Variants in NPAS3 observed in about 807,000 individuals in gnomAD.
NPAS3 encodes the protein neuronal PAS domain protein 3.
A neutral mutation model predicts 73.1 loss-of-function variants in NPAS3; 14 were observed. The ratio of observed to expected loss-of-function variants is 0.19; its 90% CI spans 0.13 to 0.30. The LOEUF is 0.30. Ranked by LOEUF, NPAS3 falls within the 10% of genes least tolerant of loss-of-function variation. The pLI, the probability that NPAS3 is intolerant of heterozygous loss-of-function variation, is 1.00. For missense variants in NPAS3, 1,096 were observed against 1,250.0 expected, an observed-to-expected ratio of 0.88 and a Z score of 1.86; for synonymous variants, 620 against 541.5, an observed-to-expected ratio of 1.14 and a Z score of -2.01.
At chr14:33,204,078 T>A (rs919250177) in intron 2 of NPAS3, among the ~76,000 whole-genome samples, 2 of 152,204 alleles carry the variant, frequency 1.3e-5, no homozygotes, top group East Asian at 1.9e-4. Flanking sequence ...CCGGTGATGA[T>A]GAGCATTTTT....
rs528692089 is a variant in NPAS3, at chr14:33,198,021, G to A, written c.141-17161G>A. The stretch of plus-strand genomic sequence containing the variant: ...CAGGAGTGAAGCTGCAGACCTTCAC[G>A]GTGAGTATTACAGCTCTTAAGGCAG... On this transcript the variant is annotated intron_variant, in intron 2 of 11. Transcript: ENST00000356141. Among the ~76,000 whole-genome samples, 27 of 152,234 alleles carry A rather than the reference G, an allele frequency of 1.8e-4. No homozygotes were observed. In the South Asian group the frequency reaches 1.9e-3, roughly 11 times the overall value.
intron 3 of NPAS3, among the ~76,000 whole-genome samples, chr14:33,308,555 C>CACACACACACACAT (rs1476052874): frequency 3.3e-5 from 3 of 90,450 alleles, no homozygotes; most frequent in African/African-American, 1.1e-4. Context: ...CACACACACA[C>CACACACACACACAT]ATACATACAT....
chr14:33,538,462 G>A (rs934951302), intron 4 of NPAS3, among the ~76,000 whole-genome samples: 2 of 152,152 alleles, frequency 1.3e-5, no homozygotes, highest in African/African-American at 4.8e-5. Flanking sequence ...ACTCTCTTTG[G>A]AACAGAAGAG....
intron 2 of NPAS3, among the ~76,000 whole-genome samples, chr14:33,143,664 T>C (rs2044140567): frequency 6.6e-6 from 1 of 152,180 alleles, no homozygotes; most frequent in African/African-American, 2.4e-5. Context: ...TATCTAGTTC[T>C]AAAACATGTT....
chr14:33,410,711 T>A (rs2047884901), intron 4 of NPAS3, among the ~76,000 whole-genome samples: 1 of 152,124 alleles, frequency 6.6e-6, no homozygotes, highest in Non-Finnish European at 1.5e-5. Context: ...AATGGCACAA[T>A]CTTGACTCAC....
chr14:33,642,788 T>C (rs1025899703), intron 5 of NPAS3, among the ~76,000 whole-genome samples: 1 of 152,140 alleles, frequency 6.6e-6, no homozygotes, highest in Admixed American at 6.5e-5. Context: ...TGGCTGAACC[T>C]CTCTTCCGGT....
At chr14:33,159,729 A>G (rs1275747698) in intron 2 of NPAS3, among the ~76,000 whole-genome samples, 1 of 151,822 alleles carries the variant, frequency 6.6e-6, no homozygotes, top group Non-Finnish European at 1.5e-5. Flanking sequence ...TATTTTTTGT[A>G]TTTTGAGTAG....
chr14:33,114,714 C>A (rs2043004385), intron 2 of NPAS3, among the ~76,000 whole-genome samples: 1 of 152,112 alleles, frequency 6.6e-6, no homozygotes, highest in Non-Finnish European at 1.5e-5. Flanking sequence ...TCACGTTAAA[C>A]TCTACTTATT....
At chr14:33,803,959 C>T (rs2063775507), downstream of NPAS3, 1 of 152,168 alleles carries the variant, frequency 6.6e-6, no homozygotes, top group African/African-American at 2.4e-5. Context: ...CTAACCGGAC[C>T]TAACTTCCTG....
chr14:33,172,127 T>C (rs1326949681), intron 2 of NPAS3, among the ~76,000 whole-genome samples: 1 of 152,016 alleles, frequency 6.6e-6, no homozygotes, highest in Non-Finnish European at 1.5e-5. Flanking sequence ...ACATAACAGA[T>C]ATAATAATAA....
At chr14:33,092,796 G>A (rs956334751) in intron 2 of NPAS3, among the ~76,000 whole-genome samples, 1 of 152,118 alleles carries the variant, frequency 6.6e-6, no homozygotes, top group South Asian at 2.1e-4. Context: ...ACAGAACAGA[G>A]CCCTCAGAAA....
At chr14:33,619,698 T>C (rs545249116) in intron 5 of NPAS3, among the ~76,000 whole-genome samples, 78 of 152,346 alleles carry the variant, frequency 5.1e-4, no homozygotes, top group African/African-American at 1.7e-3. Context: ...TTAAATCCAC[T>C]CTTGTCTACC....
intron 2 of NPAS3, among the ~76,000 whole-genome samples, chr14:33,198,771 C>A (rs560983910): frequency 6.6e-6 from 1 of 152,174 alleles, no homozygotes; most frequent in African/African-American, 2.4e-5. Flanking sequence ...TAGATGGGAC[C>A]GGACGCCATG....
chr14:33,407,013 T>C (rs986549695), intron 4 of NPAS3, among the ~76,000 whole-genome samples: 5 of 152,172 alleles, frequency 3.3e-5, no homozygotes, highest in African/African-American at 1.2e-4. Context: ...CTGCTGAGAC[T>C]GAGAAGATTA....
chr14:33,191,688 T>C (rs1327897668), intron 2 of NPAS3, among the ~76,000 whole-genome samples: 1 of 152,208 alleles, frequency 6.6e-6, no homozygotes. Context: ...AAGCAGAATT[T>C]GGCTCTCAAT....
At chr14:33,674,859 A>T (rs140556551) in intron 5 of NPAS3, among the ~76,000 whole-genome samples, 50 of 152,292 alleles carry the variant, frequency 3.3e-4, no homozygotes, top group African/African-American at 1.1e-3. Flanking sequence ...AATCAAATGG[A>T]GTCTGGGAGT....
At chr14:33,770,705 GC>G (rs1242639475) in intron 7 of NPAS3, among the ~76,000 whole-genome samples, 9 of 152,206 alleles carry the variant, frequency 5.9e-5, no homozygotes, top group African/African-American at 1.9e-4. Context: ...TTCAGGACCA[GC>G]CTGGCCAACA....
intron 3 of NPAS3, among the ~76,000 whole-genome samples, chr14:33,293,223 CTG>C (rs1566766697): frequency 6.6e-6 from 1 of 152,032 alleles, no homozygotes; most frequent in East Asian, 1.9e-4. Context: ...GAAAAGAAAA[CTG>C]GAGTCGAATT....
chr14:33,674,570 T>TC (rs896287170), intron 5 of NPAS3, among the ~76,000 whole-genome samples: 1 of 152,148 alleles, frequency 6.6e-6, no homozygotes, highest in African/African-American at 2.4e-5. Context: ...AATCCCCCCC[T>TC]CCCAGAGGGT....
Sources: allele counts gnomAD v4.1 joint callset (sites outside exome capture counted in the v4.1 genomes callset), GRCh38; gene constraint gnomAD v4.1.1; transcripts MANE v1.5; gene names NCBI Gene and HGNC (gene_info 2026-07-23, HGNC 2026-07-21).